B9D1: variants seen among roughly 807,000 people sequenced by gnomAD.
B9D1 encodes B9 domain containing 1, also known as B9 domain-containing protein 1.
A neutral mutation model predicts 26.1 loss-of-function variants in B9D1; 20 were observed. The ratio of observed to expected loss-of-function variants is 0.77; its 90% CI spans 0.54 to 1.12. The LOEUF is 1.12. Among genes scored for constraint, B9D1 ranks in the 50% most tolerant of loss-of-function variants. B9D1 has a pLI of 0.00. For synonymous variants in B9D1, 105 were observed against 103.1 expected (o/e 1.02, Z -0.11); for missense variants, 260 against 273.7 (o/e 0.95, Z 0.35).
chr17:19,342,356 G>A (rs1356752699), downstream of B9D1, among the ~76,000 whole-genome samples: 1 of 152,154 alleles, frequency 6.6e-6, no homozygotes, highest in Non-Finnish European at 1.5e-5. Context: ...GATGGTCTCA[G>A]GGCAAGTGCC....
At chr17:19,335,433 TA>T (rs1359974794), downstream of B9D1, 5 of 1,550,258 alleles carry the variant, frequency 3.2e-6, no homozygotes, top group Non-Finnish European at 1.7e-6. Context: ...GACTTCTGTT[TA>T]CAATGGAAAT....
downstream of B9D1, among the ~76,000 whole-genome samples, chr17:19,338,798 G>C (rs781665573): frequency 6.6e-6 from 1 of 152,178 alleles, no homozygotes; most frequent in Non-Finnish European, 1.5e-5. Context: ...AATCATCTTG[G>C]TCAGCTCAGT....
At chr17:19,351,511 G>A (rs1909602841) in intron 3 of B9D1, among the ~76,000 whole-genome samples, 1 of 152,060 alleles carries the variant, frequency 6.6e-6, no homozygotes. Flanking sequence ...AAAAAGCTGG[G>A]GAATGTTTAA....
At chr17:19,358,879 C>A (rs1452115541) in intron 2 of B9D1, among the ~76,000 whole-genome samples, 1 of 152,210 alleles carries the variant, frequency 6.6e-6, no homozygotes, top group Non-Finnish European at 1.5e-5. Context: ...GTGCCTCAAC[C>A]TTAACCCACA....
chr17:19,370,937 G>A lies in B9D1; in HGVS notation c.-298+6922C>T, dbSNP rs566803034. 1.3e-5 allele frequency among the ~76,000 whole-genome samples: 2 copies of A among 152,336 alleles called. No homozygotes were observed. The highest frequency in any genetic ancestry group is 4.1e-4 in the South Asian group (2 of 4,828). ...TGGATCCTCCATGTCCTATGGGCAGGTCAACCACAACAAAGCCCAGCCTGC... is the reference window on the plus strand; with the variant it reads ...TGGATCCTCCATGTCCTATGGGCAGATCAACCACAACAAAGCCCAGCCTGC... On this transcript the variant is annotated intron_variant, in intron 1 of 5. Coordinates refer to the B9D1 transcript ENST00000477478. This position sits in a 1 kb window ranked among gnomAD's most constrained non-coding sequence, Gnocchi z 5.1.
At chr17:19,345,296 G>A (rs967660163) in intron 5 of B9D1, among the ~76,000 whole-genome samples, 1 of 152,214 alleles carries the variant, frequency 6.6e-6, no homozygotes, top group African/African-American at 2.4e-5. Flanking sequence ...CATTCTGACA[G>A]AGACAGGTTC....
At chr17:19,358,015 C>G in intron 2 of B9D1, 64 bp from the exon 3 acceptor site, 1 of 1,284,266 alleles carries the variant, frequency 7.8e-7, no homozygotes, top group Non-Finnish European at 1.1e-6. Context: ...GGCTCCTCCC[C>G]TTACCTTCAG....
chr17:19,347,402 C>A lies in B9D1; in HGVS notation c.342-71G>T, dbSNP rs374833038. 3.1e-4 allele frequency: 487 copies of A among 1,572,258 alleles called. 1 individual carries two copies. The African/African-American group carries it at 5.6e-3, about 18-fold the overall frequency. On this transcript the variant is annotated intron_variant, in intron 4 of 6. Coordinates refer to ENST00000261499, the MANE Select transcript of B9D1 (RefSeq NM_015681.6). The surrounding 1 kb of genome is among the most constrained non-coding windows in gnomAD (Gnocchi z 4.3). ...TTCTGAGCCTCCAGGGAGAAGAAACCCTCAGATCAGGCCAGTGCAGCTGCA... is the reference window on the plus strand; with the variant it reads ...TTCTGAGCCTCCAGGGAGAAGAAACACTCAGATCAGGCCAGTGCAGCTGCA...
At chr17:19,348,850 G>A (rs769025116) in intron 3 of B9D1, among the ~76,000 whole-genome samples, 13 of 152,166 alleles carry the variant, frequency 8.5e-5, no homozygotes, top group Admixed American at 8.5e-4. Context: ...CCTGTAAAGG[G>A]GCGTGTTCAT....
At chr17:19,343,673 T>C in intron 6 of B9D1, 117 bp downstream of exon 6, 9 of 1,607,220 alleles carry the variant, frequency 5.6e-6, no homozygotes, top group Non-Finnish European at 7.6e-6. Flanking sequence ...GGAACATTTG[T>C]GGGCTAGCTC....
upstream of B9D1, chr17:19,362,758 C>CG (rs1911314480): frequency 6.3e-6 from 7 of 1,118,786 alleles, no homozygotes; most frequent in African/African-American, 1.6e-5. Context: ...TATAAGGGGG[C>CG]GGGGCACAAG....
chr17:19,352,668 C>T (rs753445574), intron 3 of B9D1, among the ~76,000 whole-genome samples: 1 of 151,998 alleles, frequency 6.6e-6, no homozygotes, highest in Non-Finnish European at 1.5e-5. Flanking sequence ...ATTACAGGTA[C>T]GTGCCACCAT....
At chr17:19,373,597 C>A (rs1198856171) in intron 1 of B9D1, among the ~76,000 whole-genome samples, 1 of 152,064 alleles carries the variant, frequency 6.6e-6, no homozygotes, top group African/African-American at 2.4e-5. Flanking sequence ...CAGGGTTTCA[C>A]CATGTTAGTC....
chr17:19,353,796 C>T (rs1909984166), intron 3 of B9D1, among the ~76,000 whole-genome samples: 2 of 151,918 alleles, frequency 1.3e-5, no homozygotes, highest in South Asian at 2.1e-4. Flanking sequence ...CAAAATTAGC[C>T]GGGCGTGGTG....
chr17:19,350,241 C>A lies in B9D1; in HGVS notation c.245-2361G>T, dbSNP rs569097799. The stretch of plus-strand genomic sequence containing the variant: ...CCTGGGTAACGTGGCAAAACCCCTT[C>A]TCTATGAAAAATCCAAAAATTAGGC... On this transcript the variant is annotated intron_variant, in intron 3 of 6. Coordinates refer to ENST00000261499, the MANE Select transcript of B9D1 (RefSeq NM_015681.6). Among the ~76,000 whole-genome samples, 13 of 152,110 alleles carry A rather than the reference C, an allele frequency of 8.5e-5. No individual in the cohort carries two copies. In the South Asian group the frequency reaches 2.7e-3, roughly 32 times the overall value.
chr17:19,337,796 C>G (rs922481963), downstream of B9D1: 6 of 1,431,574 alleles, frequency 4.2e-6, no homozygotes, highest in East Asian at 1.5e-4. Flanking sequence ...TTCTTACAGC[C>G]AGGCCTGGAA....
At chr17:19,339,319 C>CACTG (rs1166118311), downstream of B9D1, among the ~76,000 whole-genome samples, 1 of 152,144 alleles carries the variant, frequency 6.6e-6, no homozygotes, top group Non-Finnish European at 1.5e-5. Flanking sequence ...AGCCAACTCA[C>CACTG]ACTGCACATC....
At chr17:19,355,443 C>T (rs537853582) in intron 3 of B9D1, among the ~76,000 whole-genome samples, 11 of 146,862 alleles carry the variant, frequency 7.5e-5, no homozygotes, top group Admixed American at 2.7e-4. Flanking sequence ...GCATAAGAAT[C>T]GCTTGAATCC....
chr17:19,363,982 G>T (rs1019692711), upstream of B9D1, among the ~76,000 whole-genome samples: 1 of 152,180 alleles, frequency 6.6e-6, no homozygotes, highest in African/African-American at 2.4e-5. Flanking sequence ...TCCCCTCCTG[G>T]AGAGGGGGTC....
Sources: allele counts gnomAD v4.1 joint callset (sites outside exome capture counted in the v4.1 genomes callset), GRCh38; gene constraint gnomAD v4.1.1; non-coding constraint Gnocchi (gnomAD v3.1); transcripts MANE v1.5; gene names NCBI Gene and HGNC (gene_info 2026-07-23, HGNC 2026-07-21).